Variants in RBFOX1 observed in about 807,000 individuals in gnomAD.
The protein encoded by RBFOX1 is RNA binding protein fox-1 homolog 1.
In RBFOX1, 8 loss-of-function variants were observed where a neutral mutation model predicts 57.7. That is an observed-to-expected ratio of 0.14 (90% CI 0.08 to 0.25). The LOEUF (loss-of-function observed/expected upper bound fraction) is 0.25. Ranked by LOEUF, RBFOX1 falls within the 10% of genes least tolerant of loss-of-function variation. The probability of loss-of-function intolerance (pLI) is 1.00; values close to 1 mark genes in which losing one functional copy is unlikely to be tolerated. For synonymous variants in RBFOX1, 326 were observed against 222.4 expected (o/e 1.47, Z -4.15); for missense variants, 611 against 548.5 (o/e 1.11, Z -1.14).
chr16:5,503,315 A>G (rs1335910728), intron 2 of RBFOX1, among the ~76,000 whole-genome samples: 1 of 152,186 alleles, frequency 6.6e-6, no homozygotes, highest in Admixed American at 6.5e-5. Context: ...TAATTTCACC[A>G]CTGTCCCCCA....
chr16:6,799,789 C>T (rs542349022), intron 3 of RBFOX1, among the ~76,000 whole-genome samples: 1 of 152,046 alleles, frequency 6.6e-6, no homozygotes, highest in Non-Finnish European at 1.5e-5. Flanking sequence ...GGACTTAACA[C>T]CAGTGGTTTG....
At chr16:6,345,962 G>A (rs118157380) in intron 2 of RBFOX1, among the ~76,000 whole-genome samples, 8 of 152,296 alleles carry the variant, frequency 5.3e-5, no homozygotes, top group Admixed American at 1.3e-4. Context: ...GACTCAAAGC[G>A]GGGAGGGGGA....
At chr16:7,688,384 A>T (rs961930647) in intron 14 of RBFOX1, among the ~76,000 whole-genome samples, 2 of 152,040 alleles carry the variant, frequency 1.3e-5, no homozygotes, top group Non-Finnish European at 2.9e-5. Flanking sequence ...TTAAGAAGCC[A>T]AATAATGAGA....
At position 6,982,254 on chromosome 16, in the gene RBFOX1, A is replaced by G. The variant is rs372192578; in HGVS notation, c.-15-69803A>G. ...CCGGGGAGAAATGTAGCTGCTTTCA[A>G]TTTGAAAACCCTTTTCCAGGTAACA... is the stretch of plus-strand genomic sequence containing the variant. On this transcript the variant is annotated intron_variant, in intron 3 of 15. Transcript: ENST00000550418. Among the ~76,000 whole-genome samples the G allele has an allele frequency of 5.3e-5, 8 of 152,312 alleles. No individual in the cohort carries two copies. The South Asian group carries it at 6.2e-4, about 12-fold the overall frequency.
chr16:6,154,184 G>T (rs5017834), intron 1 of RBFOX1, among the ~76,000 whole-genome samples: 2 of 152,214 alleles, frequency 1.3e-5, no homozygotes, highest in African/African-American at 2.4e-5. Context: ...CTCTCAGCCT[G>T]GACTTGGTCA....
At chr16:6,002,225 C>A (rs1285070722) in intron 4 of RBFOX1, among the ~76,000 whole-genome samples, 1 of 152,160 alleles carries the variant, frequency 6.6e-6, no homozygotes, top group East Asian at 1.9e-4. Context: ...GATCCTCCCG[C>A]CCCAGCCTGC....
chr16:5,956,558 G>A (rs1028389290), intron 4 of RBFOX1, among the ~76,000 whole-genome samples: 2 of 150,458 alleles, frequency 1.3e-5, no homozygotes, highest in Non-Finnish European at 2.9e-5. Flanking sequence ...TTAGATGTGG[G>A]GTGGAAAACA....
chr16:5,301,127 C>A (rs1035535503), intron 1 of RBFOX1, among the ~76,000 whole-genome samples: 1 of 152,136 alleles, frequency 6.6e-6, no homozygotes, highest in Non-Finnish European at 1.5e-5. Context: ...ATGTTACCTT[C>A]GAGACCAGTT....
intron 2 of RBFOX1, among the ~76,000 whole-genome samples, chr16:6,393,498 G>A (rs909328407): frequency 3.3e-5 from 5 of 152,150 alleles, no homozygotes; most frequent in Non-Finnish European, 7.4e-5. Context: ...GCATGGAACA[G>A]GAAATCTTTC....
intron 4 of RBFOX1, among the ~76,000 whole-genome samples, chr16:7,338,894 C>T (rs556494971): frequency 1.4e-3 from 207 of 152,262 alleles, no homozygotes; most frequent in African/African-American, 4.6e-3. Flanking sequence ...GATTTTATCT[C>T]CATGTTTGGA....
At chr16:5,516,147 G>A (rs2043784713) in intron 2 of RBFOX1, among the ~76,000 whole-genome samples, 1 of 152,208 alleles carries the variant, frequency 6.6e-6, no homozygotes. Context: ...GTCTGGTCCT[G>A]AGACAAAGAT....
chr16:6,529,186 A>G (rs1212987939), intron 2 of RBFOX1, among the ~76,000 whole-genome samples: 2 of 152,162 alleles, frequency 1.3e-5, no homozygotes, highest in Non-Finnish European at 2.9e-5. Context: ...AAAGTACCCT[A>G]TTAAAGAGGG....
chr16:6,560,946 G>C (rs1420360306), intron 2 of RBFOX1, among the ~76,000 whole-genome samples: 1 of 152,172 alleles, frequency 6.6e-6, no homozygotes. Context: ...TCATCCCTCA[G>C]AGGCATGTGC....
At chr16:7,368,789 A>T (rs947116035) in intron 4 of RBFOX1, among the ~76,000 whole-genome samples, 19 of 150,368 alleles carry the variant, frequency 1.3e-4, no homozygotes, top group East Asian at 3.9e-4. Flanking sequence ...CAAAAAAAAA[A>T]AAAAAAATAA....
chr16:6,923,374 C>A (rs113449005), intron 3 of RBFOX1, among the ~76,000 whole-genome samples: 7,015 of 151,936 alleles, frequency 0.046, 519 homozygotes, highest in African/African-American at 0.16. Flanking sequence ...TCTCTACTAA[C>A]AATACACAAA....
At chr16:7,464,438 C>T (rs1687836075) in intron 4 of RBFOX1, among the ~76,000 whole-genome samples, 1 of 151,934 alleles carries the variant, frequency 6.6e-6, no homozygotes, top group African/African-American at 2.4e-5. Context: ...GTGGTCACTT[C>T]TGCAAAATGG....
intron 2 of RBFOX1, among the ~76,000 whole-genome samples, chr16:6,382,560 A>T (rs113479512): frequency 1.5e-3 from 235 of 152,222 alleles, no homozygotes; most frequent in African/African-American, 5.4e-3. Context: ...TCATTAAGGG[A>T]TGTGAAAATG....
At chr16:6,282,926 G>T (rs2076540465) in intron 1 of RBFOX1, among the ~76,000 whole-genome samples, 1 of 152,162 alleles carries the variant, frequency 6.6e-6, no homozygotes, top group South Asian at 2.1e-4. Flanking sequence ...AACCTACTCA[G>T]TTCATAGTTA....
chr16:7,319,322 T>G (rs1187023822), intron 4 of RBFOX1, among the ~76,000 whole-genome samples: 2 of 152,224 alleles, frequency 1.3e-5, no homozygotes, highest in Non-Finnish European at 2.9e-5. Context: ...TGCTGACATG[T>G]TGAGTCCAGA....
Sources: allele counts gnomAD v4.1 joint callset (sites outside exome capture counted in the v4.1 genomes callset), GRCh38; gene constraint gnomAD v4.1.1; transcripts MANE v1.5; gene names NCBI Gene and HGNC (gene_info 2026-07-23, HGNC 2026-07-21).